The following CLDN14 variants were observed in gnomAD, a reference collection of about 807,000 sequenced individuals.
The protein encoded by CLDN14 is claudin 14.
CLDN14 carries 2 observed loss-of-function variants against 2.1 expected under a neutral mutation model. That is an observed-to-expected ratio of 0.96 (90% CI 0.39 to 3.01). The LOEUF is 3.01. Ranked by LOEUF, CLDN14 falls within the 30% of genes most tolerant of loss-of-function variation. The pLI, the probability that CLDN14 is intolerant of heterozygous loss-of-function variation, is 0.09. For missense variants in CLDN14, 298 were observed against 328.0 expected (o/e 0.91, Z 0.71); for synonymous variants, 136 against 154.4 (o/e 0.88, Z 0.88).
intron 1 of CLDN14, among the ~76,000 whole-genome samples, chr21:36,523,779 GAGAGAA>G (rs1234866469): frequency 9.6e-5 from 2 of 20,902 alleles, no homozygotes; most frequent in East Asian, 1.6e-3. Flanking sequence ...AAGAGAGAAA[GAGAGAA>G]AGAAAGAAAG....
At chr21:36,465,118 AG>A (rs2094518229) in intron 1 of CLDN14, among the ~76,000 whole-genome samples, 1 of 152,208 alleles carries the variant, frequency 6.6e-6, no homozygotes, top group South Asian at 2.1e-4. Context: ...AGGCTCCTCC[AG>A]GTGCCCAGAT....
At chr21:36,535,970 C>T (rs2087421414) in intron 1 of CLDN14, among the ~76,000 whole-genome samples, 1 of 152,206 alleles carries the variant, frequency 6.6e-6, no homozygotes, top group African/African-American at 2.4e-5. Context: ...TCGGAAAGTA[C>T]AGGAATCCAT....
chr21:36,517,962 C>T (rs766189779), intron 1 of CLDN14, among the ~76,000 whole-genome samples: 1 of 152,126 alleles, frequency 6.6e-6, no homozygotes, highest in Non-Finnish European at 1.5e-5. Flanking sequence ...GCGTCAATTG[C>T]AACTCTTCCC....
intron 1 of CLDN14, among the ~76,000 whole-genome samples, chr21:36,559,067 A>G (rs1170833994): frequency 6.6e-6 from 1 of 152,176 alleles, no homozygotes; most frequent in Non-Finnish European, 1.5e-5. Context: ...TCCTTATCTT[A>G]GAAGAAAAGC....
At chr21:36,497,767 C>T (rs759409863) in intron 2 of CLDN14, among the ~76,000 whole-genome samples, 6 of 152,122 alleles carry the variant, frequency 3.9e-5, no homozygotes, top group South Asian at 2.1e-4. Context: ...GAGACACCTG[C>T]GTGATCCATC....
intron 1 of CLDN14, among the ~76,000 whole-genome samples, chr21:36,557,024 A>G (rs2087603548): frequency 6.6e-6 from 1 of 152,146 alleles, no homozygotes; most frequent in Non-Finnish European, 1.5e-5. Flanking sequence ...TGCTCCTCAT[A>G]TAGGTGGGCT....
At position 36,461,309 on chromosome 21, in the gene CLDN14, G is replaced by A. The variant is rs558404405; in HGVS notation, c.387C>T (p.Gly129=). Residue 129 remains glycine (G), a synonymous_variant, in exon 2 of 2, where the codon GGC becomes GGT. Transcript: ENST00000399135. ...AGGAGACGGCCACCATGCACAGGAGGCCGGCCAGGATGAAGAGGGTGCCGC... is the reference window on the plus strand; with the variant it reads ...AGGAGACGGCCACCATGCACAGGAGACCGGCCAGGATGAAGAGGGTGCCGC... ...ILGGTLFILA[G]LLCMVAVSWT... is the part of the protein sequence containing the mutation. 2.5e-6 allele frequency: 4 copies of A among 1,613,664 alleles called. No individual in the cohort carries two copies. The South Asian group carries it at 3.3e-5, about 13-fold the overall frequency.
At chr21:36,494,117 T>A (rs1438726398) in intron 2 of CLDN14, among the ~76,000 whole-genome samples, 1 of 152,198 alleles carries the variant, frequency 6.6e-6, no homozygotes, top group Non-Finnish European at 1.5e-5. Context: ...GGACACCTGC[T>A]GGGCAGCAGA....
chr21:36,487,933 C>A (rs1368337694), intron 2 of CLDN14, among the ~76,000 whole-genome samples: 1 of 152,058 alleles, frequency 6.6e-6, no homozygotes, highest in African/African-American at 2.4e-5. Context: ...AAGTGACATC[C>A]AAAAAACTGT....
At chr21:36,490,987 CA>C (rs1434227654) in intron 2 of CLDN14, among the ~76,000 whole-genome samples, 18 of 150,920 alleles carry the variant, frequency 1.2e-4, no homozygotes, top group African/African-American at 2.2e-4. Context: ...CACACACACA[CA>C]CCCCTGGACA....
chr21:36,512,948 A>G (rs1036025959), intron 1 of CLDN14, among the ~76,000 whole-genome samples: 5 of 152,266 alleles, frequency 3.3e-5, no homozygotes, highest in African/African-American at 9.6e-5. Context: ...GCAACAAAGC[A>G]AGTACATGAT....
intron 1 of CLDN14, 44 bp from the exon 2 acceptor site, chr21:36,461,820 G>A: frequency 7.6e-7 from 1 of 1,314,656 alleles, no homozygotes; most frequent in Non-Finnish European, 1.0e-6. Context: ...GAAAGGAAAT[G>A]GGTTAAAGAT....
intron 1 of CLDN14, among the ~76,000 whole-genome samples, chr21:36,536,842 C>T (rs370912960): frequency 1.5e-4 from 23 of 152,114 alleles, no homozygotes; most frequent in Non-Finnish European, 2.8e-4. Flanking sequence ...GAGGAAATTG[C>T]CTATTGGCAG....
intron 1 of CLDN14, among the ~76,000 whole-genome samples, chr21:36,515,573 T>C (rs1166831358): frequency 1.3e-5 from 2 of 150,074 alleles, no homozygotes; most frequent in East Asian, 4.0e-4. Context: ...CTTAGGAGGC[T>C]GAGGCAGGAG....
intron 2 of CLDN14, among the ~76,000 whole-genome samples, chr21:36,488,867 G>A (rs1017198853): frequency 1.3e-5 from 2 of 151,920 alleles, no homozygotes; most frequent in Admixed American, 6.6e-5. Context: ...AGTGGCTCAC[G>A]CCTCTAATCC....
chr21:36,497,687 G>A (rs1488533943), intron 2 of CLDN14, among the ~76,000 whole-genome samples: 1 of 152,074 alleles, frequency 6.6e-6, no homozygotes, highest in African/African-American at 2.4e-5. Flanking sequence ...TCGCCGTTTA[G>A]CCAAGACACC....
intron 2 of CLDN14, chr21:36,487,075 C>G (rs1163585585): frequency 4.3e-6 from 1 of 231,236 alleles, no homozygotes; most frequent in Non-Finnish European, 8.5e-6. Context: ...ACCTCTGCCT[C>G]TCGGGTTCAA....
At chr21:36,492,257 A>G (rs2086974142) in intron 2 of CLDN14, among the ~76,000 whole-genome samples, 1 of 132,742 alleles carries the variant, frequency 7.5e-6, no homozygotes, top group African/African-American at 3.2e-5. Flanking sequence ...ACAAGGTGAA[A>G]CCCCGTCTCT....
chr21:36,535,253 G>A (rs946139785), intron 1 of CLDN14, among the ~76,000 whole-genome samples: 1 of 152,154 alleles, frequency 6.6e-6, no homozygotes, highest in Admixed American at 6.5e-5. Context: ...AGCTGGGGGT[G>A]GTGGCAGGTG....
Sources: gnomAD v4.1 joint callset for allele counts (sites outside exome capture counted in the v4.1 genomes callset) on GRCh38, gnomAD v4.1.1 for gene constraint, MANE v1.5 for transcripts, NCBI Gene and HGNC (gene_info 2026-07-23, HGNC 2026-07-21) for gene names.